AIFM3: variants seen among roughly 807,000 people sequenced by gnomAD.
AIFM3 encodes AIF family member 3.
A neutral mutation model predicts 82.7 loss-of-function variants in AIFM3; 71 were observed. The ratio of observed to expected loss-of-function variants is 0.86; its 90% CI spans 0.71 to 1.05. AIFM3 has a LOEUF of 1.05. AIFM3 is among the 50% of genes least tolerant of loss of function. The pLI, the probability that AIFM3 is intolerant of heterozygous loss-of-function variation, is 0.00. For synonymous variants in AIFM3, 337 were observed against 329.1 expected, an observed-to-expected ratio of 1.02 and a Z score of -0.26; for missense variants, 748 against 816.7, an observed-to-expected ratio of 0.92 and a Z score of 1.03.
At chr22:20,980,639 C>A in intron 19 of AIFM3, 108 bp from the exon 20 acceptor site, 1 of 1,478,002 alleles carries the variant, frequency 6.8e-7, no homozygotes, top group Non-Finnish European at 9.4e-7. Context: ...GGCTATGAGA[C>A]AGGGGCAGGC....
intron 8 of AIFM3, among the ~76,000 whole-genome samples, chr22:20,975,466 T>C (rs1027202494): frequency 6.6e-6 from 1 of 152,154 alleles, no homozygotes; most frequent in Non-Finnish European, 1.5e-5. Flanking sequence ...GAGGTCATTT[T>C]TGTCATGCTG....
rs201078355 is a variant in AIFM3, at chr22:20,967,923, G to A, written c.-22G>A. 2.4e-4 allele frequency: 389 copies of A among 1,614,058 alleles called. 1 individual carries two copies. The highest frequency in any genetic ancestry group is 4.9e-4 in the Middle Eastern group (3 of 6,062). On this transcript the variant is annotated 5_prime_UTR_variant, in exon 2 of 21. Coordinates refer to ENST00000440238, the MANE Select transcript of AIFM3 (RefSeq NM_001386814.1). ...CTCCCCATCTGTGCTCCTGCCTGCC[G>A]GCCATCCTCAGGCCACTCGCCATGG...
Position 20,974,690 on chromosome 22 carries a change from G to C in AIFM3, c.608-14G>C, listed in dbSNP as rs763742407. 6 of 1,613,920 alleles carry C rather than the reference G, an allele frequency of 3.7e-6. No individual in the cohort carries two copies. Among genetic ancestry groups the C allele is most frequent in the Non-Finnish European group, 5.1e-6 (6 of 1,179,956 alleles). ...GTGAGAAGTGGTTCCTGGCCCACGG[G>C]CCCCTCCCCTCAGGTGCAGCTGGCC... On this transcript the variant is annotated splice_polypyrimidine_tract_variant and intron_variant, in intron 7 of 20. Coordinates refer to ENST00000440238, the MANE Select transcript of AIFM3 (RefSeq NM_001386814.1).
In AIFM3 at chr22:20,974,767, T is replaced by G. The variant is rs1249971635; in HGVS notation, c.671T>G (p.Leu224Arg). Residue 224 changes from leucine to arginine, a missense_variant, in exon 8 of 21, where the codon CTG becomes CGG. By Grantham distance (102) the Leu-to-Arg change is moderately radical. Coordinates refer to ENST00000440238, the MANE Select transcript of AIFM3 (RefSeq NM_001386814.1). ...RQEGFSDRIV[L>R]CTLDRHLPYD... The stretch of plus-strand genomic sequence containing the variant: ...GAGGGCTTCTCCGACCGGATCGTCC[T>G]GTGCACGCTAGACCGGCACCTTCCC... 6.2e-7 allele frequency: 1 copy of G among 1,613,618 alleles called. No homozygotes were observed. Among genetic ancestry groups the G allele is most frequent in the Non-Finnish European group, 8.5e-7 (1 of 1,179,946 alleles).
chr22:20,969,753 G>A (rs1164290487), intron 2 of AIFM3, among the ~76,000 whole-genome samples: 1 of 152,168 alleles, frequency 6.6e-6, no homozygotes, highest in Non-Finnish European at 1.5e-5. Flanking sequence ...CCCCTGTGGG[G>A]CTGTAGCCAG....
At chr22:20,971,539 G>A (rs368589154) in intron 2 of AIFM3, among the ~76,000 whole-genome samples, 29 of 152,354 alleles carry the variant, frequency 1.9e-4, no homozygotes, top group Middle Eastern at 3.4e-3. Flanking sequence ...AGATAGGAAG[G>A]ATGGCAGCCC....
chr22:20,976,614 T>C (rs1335879016), intron 11 of AIFM3, 37 bp from the exon 12 acceptor site: 3 of 1,612,536 alleles, frequency 1.9e-6, no homozygotes, highest in Non-Finnish European at 2.5e-6. Context: ...TCGAGGAAGG[T>C]GCAGGTGCCA....
At chr22:20,969,095 C>T (rs1225333017) in intron 2 of AIFM3, among the ~76,000 whole-genome samples, 1 of 152,202 alleles carries the variant, frequency 6.6e-6, no homozygotes, top group Non-Finnish European at 1.5e-5. Context: ...CATTGTCTCC[C>T]CCTAGCAGTG....
At position 20,974,182 on chromosome 22, in the gene AIFM3, G is replaced by A. The variant is rs1923475218; in HGVS notation, c.465+10G>A. On this transcript the variant is annotated intron_variant, in intron 5 of 20. Transcript: ENST00000440238. ...TCTACACAAGTTCCAGGTGGGGCCA[G>A]GAGTGCGATGGGGTGGGAACCTGGG... 1.9e-6 allele frequency: 3 copies of A among 1,613,386 alleles called. No individual in the cohort carries two copies. Among genetic ancestry groups the A allele is most frequent in the Non-Finnish European group, 2.5e-6 (3 of 1,179,872 alleles).
Position 20,973,397 on chromosome 22 carries a change from A to C in AIFM3, c.122A>C (p.Gln41Pro). The change falls in exon 3 of 21, where the codon CAG (glutamine) becomes CCG (proline). Residue 41 changes from glutamine to proline, a missense_variant. Coordinates refer to ENST00000440238, the MANE Select transcript of AIFM3 (RefSeq NM_001386814.1). The stretch of plus-strand genomic sequence containing the variant: ...GGGAAGGGCAGCCCCCGGGCCTACC[A>C]GGGCAATGGCACGGCCCGCCACTTC... The part of the protein sequence containing the change: ...ASGKGSPRAY[Q>P]GNGTARHFHT... 6.2e-7 allele frequency: 1 copy of C among 1,611,424 alleles called. No individual in the cohort carries two copies. The highest frequency in any genetic ancestry group is 8.5e-7 in the Non-Finnish European group (1 of 1,179,614).
chr22:20,973,142 T>G, intron 2 of AIFM3, 165 bp from the exon 3 acceptor site: 1 of 795,356 alleles, frequency 1.3e-6, no homozygotes, highest in Non-Finnish European at 2.0e-6. Flanking sequence ...TCGTGCCAGG[T>G]TTAAGGCTCT....
intron 19 of AIFM3, 77 bp downstream of exon 19, chr22:20,980,201 C>A (rs1245103358): frequency 7.3e-7 from 1 of 1,363,128 alleles, no homozygotes; most frequent in South Asian, 1.3e-5. Context: ...GACAGCCAGC[C>A]GCCCCCACAA....
At position 20,976,870 on chromosome 22, in the gene AIFM3, T is replaced by G; in HGVS notation, c.1150T>G (p.Phe384Val). 6.2e-7 allele frequency: 1 copy of G among 1,600,854 alleles called. No individual in the cohort carries two copies. Among genetic ancestry groups the G allele is most frequent in the Non-Finnish European group, 8.5e-7 (1 of 1,171,810 alleles). ...ACCTGCCCACTTGCCCTGACAGATG[T>G]TTGAGAACAACCGGGTGAAGTTCTA... ...ERVGRALMKM[F>V]ENNRVKFYMQ... The change falls in exon 13 of 21, where the codon TTT (phenylalanine) becomes GTT (valine). Residue 384 changes from phenylalanine (F) to valine (V), a missense_variant. Phe to Val is a conservative substitution (Grantham distance 50). Transcript: ENST00000440238.
intron 2 of AIFM3, among the ~76,000 whole-genome samples, chr22:20,970,590 A>G (rs1923207545): frequency 1.3e-5 from 2 of 152,082 alleles, no homozygotes. Flanking sequence ...GCTCCCAAGT[A>G]GCTGGGATTA....
chr22:20,981,104 A>G lies in AIFM3; in HGVS notation c.*73A>G, dbSNP rs1450655929. On this transcript the variant is annotated 3_prime_UTR_variant, in exon 21 of 21. Transcript: ENST00000440238. ...AGGCCAAGCCTTGGGGGCAGGTGCC[A>G]ATCTCCAGTCCCAGGATCCCCCAGG... The G allele has an allele frequency of 6.3e-7, 1 of 1,594,114 alleles. No individual in the cohort carries two copies.
In AIFM3 at chr22:20,977,734, C is replaced by A. The variant is rs1212158208; in HGVS notation, c.1317C>A (p.Ser439Arg). ...CCGCCACAGGCTTCCTGAGGCAAAG[C>A]GGCATCGGTTTGGATTCCCGAGGCT... ...AVPATGFLRQ[S>R]GIGLDSRGFI... Residue 439 changes from serine to arginine, a missense_variant, in exon 15 of 21, where the codon AGC becomes AGA. By Grantham distance (110) the Ser-to-Arg change is moderately radical (BLOSUM62 -1). This residue lies in a region of AIFM3 where 393 missense variants were observed against 481.1 expected (regional missense o/e 0.82). Transcript: ENST00000440238. 2 of 1,614,130 alleles carry A rather than the reference C, an allele frequency of 1.2e-6. No homozygotes were observed. The highest frequency in any genetic ancestry group is 1.7e-5 in the Admixed American group (1 of 60,022).
Position 20,977,739 on chromosome 22 carries a change from T to C in AIFM3, c.1322T>C (p.Ile441Thr), listed in dbSNP as rs2147947813. Residue 441 changes from isoleucine (I) to threonine (T), a missense_variant, in exon 15 of 21, where the codon ATC (isoleucine) becomes ACC (threonine). Around this residue, in one of 5 missense-constraint regions of AIFM3, gnomAD observed 393 missense variants for 481.1 expected, o/e 0.82. Transcript: ENST00000440238. ...ACAGGCTTCCTGAGGCAAAGCGGCATCGGTTTGGATTCCCGAGGCTTCATC... is the reference window on the plus strand; with the variant it reads ...ACAGGCTTCCTGAGGCAAAGCGGCACCGGTTTGGATTCCCGAGGCTTCATC... ...PATGFLRQSGIGLDSRGFIPV... is the reference protein window; with the variant it reads ...PATGFLRQSGTGLDSRGFIPV... 1.2e-6 allele frequency: 2 copies of C among 1,614,084 alleles called. No individual in the cohort carries two copies. The highest frequency in any genetic ancestry group is 2.2e-5 in the South Asian group (2 of 91,078).
At chr22:20,977,213 A>C (rs1452428758) in intron 14 of AIFM3, 118 bp downstream of exon 14, 3 of 1,404,186 alleles carry the variant, frequency 2.1e-6, no homozygotes, top group Non-Finnish European at 2.9e-6. Context: ...ACATCTGTCA[A>C]ATGGGAACCC....
intron 19 of AIFM3, 65 bp downstream of exon 19, chr22:20,980,189 A>T: frequency 6.7e-7 from 1 of 1,490,480 alleles, no homozygotes; most frequent in Non-Finnish European, 9.1e-7. Flanking sequence ...TAAGGTGCCT[A>T]TGACAGCCAG....
Sources: allele counts gnomAD v4.1 joint callset (sites outside exome capture counted in the v4.1 genomes callset), GRCh38; gene constraint gnomAD v4.1.1; regional missense constraint gnomAD v4.1.1; transcripts MANE v1.5; gene names NCBI Gene and HGNC (gene_info 2026-07-23, HGNC 2026-07-21).